Variants in PCGF2 observed in about 807,000 individuals in gnomAD.
PCGF2 encodes the protein polycomb group ring finger 2, also known as polycomb group RING finger protein 2.
Under a neutral mutation model 36.1 loss-of-function variants are expected in PCGF2, and 8 were observed. The ratio of observed to expected loss-of-function variants is 0.22; its 90% CI spans 0.13 to 0.40. The LOEUF is 0.40. Ranked by LOEUF, PCGF2 falls within the 10% of genes least tolerant of loss-of-function variation. The pLI is 1.00. For missense variants in PCGF2, 436 were observed against 475.9 expected (o/e 0.92, Z 0.78); for synonymous variants, 198 against 191.2 (o/e 1.04, Z -0.29).
intron 8 of PCGF2, 33 bp downstream of exon 8, chr17:38,738,508 A>G (rs753812058): frequency 6.2e-6 from 10 of 1,612,688 alleles, no homozygotes; most frequent in Non-Finnish European, 8.5e-6. Flanking sequence ...CTCCCAGCCC[A>G]CATTCCAGTC....
intron 2 of PCGF2, among the ~76,000 whole-genome samples, chr17:38,743,801 C>A (rs1049009227): frequency 6.6e-6 from 1 of 152,266 alleles, no homozygotes; most frequent in Non-Finnish European, 1.5e-5. Flanking sequence ...AGGCCCCAGG[C>A]CGCGAATTCC....
chr17:38,735,538 C>T lies in PCGF2; in HGVS notation c.720G>A (p.Thr240=), dbSNP rs1293207476. ...QPACKRLTLA[T]VPTPSEGTNT... ...TGGTGCCCTCGGAGGGGGTGGGCAC[C>T]GTGGCTAGGGTGAGCCGCTTGCAGG... Residue 240 remains threonine, a synonymous_variant, in exon 11 of 11, where the codon ACG becomes ACA. Coordinates refer to ENST00000620225, the MANE Select transcript of PCGF2 (RefSeq NM_007144.3). 34 of 1,588,058 alleles carry T rather than the reference C, an allele frequency of 2.1e-5. No homozygotes were observed. The highest frequency in any genetic ancestry group is 4.6e-5 in the South Asian group (4 of 87,306).
In PCGF2 at chr17:38,735,105, C is replaced by T. The variant is rs1906576699; in HGVS notation, c.*118G>A. On this transcript the variant is annotated 3_prime_UTR_variant, in exon 11 of 11. Transcript: ENST00000620225. ...TATATATATATTTATTTATAAAACCCGCCCCCCACCCCCAAGGTGGGAAGA... is the reference window on the plus strand; with the variant it reads ...TATATATATATTTATTTATAAAACCTGCCCCCCACCCCCAAGGTGGGAAGA... 4.1e-6 allele frequency: 3 copies of T among 731,342 alleles called. No homozygotes were observed. Among genetic ancestry groups the T allele is most frequent in the Middle Eastern group, 4.4e-4 (1 of 2,254 alleles). The allele number at this position is 731,342 out of a possible 1,614,324, so 45.3% of individuals were successfully genotyped here.
rs1907053640 is a variant in PCGF2 at position 38,739,804 on chromosome 17, C to G, written c.113-122G>C. On this transcript the variant is annotated intron_variant, in intron 3 of 10. Transcript: ENST00000620225. This position sits in a 1 kb window ranked among gnomAD's most constrained non-coding sequence, Gnocchi z 4.0. ...TCCACCCTGTCCCTGCTCCGAGGCCCAATGTGGCGATGTGTGTTCTGCACG... is the reference window on the plus strand; with the variant it reads ...TCCACCCTGTCCCTGCTCCGAGGCCGAATGTGGCGATGTGTGTTCTGCACG... The G allele has an allele frequency of 5.4e-6, 4 of 745,302 alleles. No homozygotes were observed. The highest frequency in any genetic ancestry group is 9.6e-6 in the Non-Finnish European group (4 of 415,296). 46.2% of individuals were successfully genotyped at this position (745,302 alleles called of 1,614,324 possible). A position where few individuals can be genotyped will look rare whatever the true frequency, so the allele number is the denominator to read the frequency against.
chr17:38,738,928 A>T, intron 6 of PCGF2, 67 bp from the exon 7 acceptor site: 4 of 1,542,216 alleles, frequency 2.6e-6, no homozygotes, highest in Non-Finnish European at 3.6e-6. Flanking sequence ...GGACCCAGAG[A>T]TCATGAACTC....
At chr17:38,740,490 T>C (rs1453172387) in intron 2 of PCGF2, 48 bp from the exon 3 acceptor site, 43 of 1,431,022 alleles carry the variant, frequency 3.0e-5, no homozygotes, top group Non-Finnish European at 3.9e-5. Context: ...CCGGGCGCGG[T>C]GGTTCACGCC....
At chr17:38,747,214 A>G (rs942280323) in intron 2 of PCGF2, among the ~76,000 whole-genome samples, 1 of 152,068 alleles carries the variant, frequency 6.6e-6, no homozygotes, top group African/African-American at 2.4e-5. Context: ...GGCGAGGGGC[A>G]GCCCGGGCCC....
intron 2 of PCGF2, among the ~76,000 whole-genome samples, chr17:38,744,800 C>T (rs896990232): frequency 1.3e-5 from 2 of 152,226 alleles, no homozygotes; most frequent in Admixed American, 6.5e-5. Context: ...TCTCTCTGCT[C>T]TCCCTGCCTC....
chr17:38,738,725 A>G, intron 7 of PCGF2, 28 bp downstream of exon 7: 1 of 1,596,248 alleles, frequency 6.3e-7, no homozygotes, highest in Non-Finnish European at 8.6e-7. Context: ...CTAGGAACCC[A>G]GAAGGGGCCA....
intron 9 of PCGF2, among the ~76,000 whole-genome samples, chr17:38,736,757 C>G (rs1051304642): frequency 4.6e-5 from 7 of 152,042 alleles, no homozygotes; most frequent in East Asian, 3.9e-4. Context: ...TGGCGTGAAC[C>G]CGGGAGGCGG....
chr17:38,746,023 G>T (rs1286065445), intron 2 of PCGF2, among the ~76,000 whole-genome samples: 2 of 152,034 alleles, frequency 1.3e-5, no homozygotes, highest in Non-Finnish European at 2.9e-5. Context: ...TGTGTTTGGG[G>T]CCGTGAGGGT....
intron 10 of PCGF2, 132 bp downstream of exon 10, chr17:38,735,958 C>G (rs1906682733): frequency 1.4e-6 from 1 of 704,952 alleles, no homozygotes; most frequent in Admixed American, 2.2e-5. Context: ...CTGTAGCAAG[C>G]CACCCTGGAC....
rs779263814 is a variant in PCGF2 at position 38,739,258 on chromosome 17, G to A, written c.210-5C>T. ...TCTTGAAGTGTTTTGTCAGACCTGG[G>A]GAAAAATGGACAGGGCTTATCAGCA... On this transcript the variant is annotated splice_polypyrimidine_tract_variant and splice_region_variant and intron_variant, in intron 4 of 10. Coordinates refer to ENST00000620225, the MANE Select transcript of PCGF2 (RefSeq NM_007144.3). The surrounding 1 kb of genome is among the most constrained non-coding windows in gnomAD (Gnocchi z 4.0). The A allele has an allele frequency of 6.2e-7, 1 of 1,613,606 alleles. No homozygotes were observed. Among genetic ancestry groups the A allele is most frequent in the Admixed American group, 1.7e-5 (1 of 60,008 alleles).
Position 38,739,373 on chromosome 17 carries a change from A to G in PCGF2, c.210-120T>C, listed in dbSNP as rs1055318957. ...CCCTTCCTGAGACCGGTGCCCAGGC[A>G]TTAGGATCCCTGTGGGTCTGGTCTT... On this transcript the variant is annotated intron_variant, in intron 4 of 10. Transcript: ENST00000620225. This position sits in a 1 kb window ranked among gnomAD's most constrained non-coding sequence, Gnocchi z 4.0. The G allele has an allele frequency of 6.1e-6, 6 of 991,318 alleles. No homozygotes were observed. The highest frequency in any genetic ancestry group is 3.9e-5 in the South Asian group (3 of 76,020). 61.4% of individuals were successfully genotyped at this position (991,318 alleles called of 1,614,324 possible). A position where few individuals can be genotyped will look rare whatever the true frequency, so the allele number is the denominator to read the frequency against.
At position 38,738,740 on chromosome 17, in the gene PCGF2, G is replaced by A. The variant is rs117490976; in HGVS notation, c.425+13C>T. On this transcript the variant is annotated intron_variant, in intron 7 of 10. Transcript: ENST00000620225. Reference sequence around the variant, plus strand: ...CTAGGAACCCAGAAGGGGCCAGCCTGGGCCAGACTTGCCTGGCACCTTCGT... The same window carrying A: ...CTAGGAACCCAGAAGGGGCCAGCCTAGGCCAGACTTGCCTGGCACCTTCGT... 1.3e-4 allele frequency: 201 copies of A among 1,606,126 alleles called. 2 individuals are homozygous for A. In the East Asian group the frequency reaches 4.4e-3, roughly 35 times the overall value.
Position 38,735,314 on chromosome 17 carries a change from C to T in PCGF2, c.944G>A (p.Gly315Glu), listed in dbSNP as rs1049689204. The stretch of plus-strand genomic sequence containing the variant: ...TGTCTGCAGGCAGTTCAAGCTACCC[C>T]CGTTGGCAGCTGTGGTGGCCCCACT... ...TASGATTAAN[G>E]GSLNCLQTPS... Residue 315 changes from glycine to glutamate, a missense_variant, in exon 11 of 11, where the codon GGG becomes GAG. This residue lies in a region of PCGF2 where 227 missense variants were observed against 212.9 expected (regional missense o/e 1.07). Transcript: ENST00000620225. 5 of 1,534,022 alleles carry T rather than the reference C, an allele frequency of 3.3e-6. No individual in the cohort carries two copies. The highest frequency in any genetic ancestry group is 1.9e-5 in the Admixed American group (1 of 52,370).
Position 38,740,426 on chromosome 17 carries a change from G to GGGGGGGC in PCGF2, c.-25_-24insGCCCCCC. 4 of 677,234 alleles carry GGGGGGGC rather than the reference G, an allele frequency of 5.9e-6. No individual in the cohort carries two copies. Among genetic ancestry groups the GGGGGGGC allele is most frequent in the Non-Finnish European group, 1.0e-5 (4 of 394,318 alleles). 42.0% of individuals were successfully genotyped at this position (677,234 alleles called of 1,614,324 possible). ...ATGATTCCGGGGTCGGGGGTGGGGG[G>GGGGGGGC]ACTGGGGAGCGTTGCCCTGGGAAAC... On this transcript the variant is annotated 5_prime_UTR_variant, in exon 3 of 11. Coordinates refer to ENST00000620225, the MANE Select transcript of PCGF2 (RefSeq NM_007144.3).
rs545462980 is a variant in PCGF2, at chr17:38,734,672, G to A, written c.*551C>T. The A allele has an allele frequency of 6.5e-6, 1 of 152,862 alleles. No individual in the cohort carries two copies. Among genetic ancestry groups the A allele is most frequent in the East Asian group, 1.9e-4 (1 of 5,188 alleles). The allele number at this position is 152,862 out of a possible 1,614,324, so 9.5% of individuals were successfully genotyped here. A position where few individuals can be genotyped will look rare whatever the true frequency, so the allele number is the denominator to read the frequency against. The stretch of plus-strand genomic sequence containing the variant: ...GCATTTGTAAAAGGCACTGTTCTTA[G>A]CAATTTCTGGACATTCAACAACGTG... On this transcript the variant is annotated 3_prime_UTR_variant, in exon 11 of 11. Coordinates refer to ENST00000620225, the MANE Select transcript of PCGF2 (RefSeq NM_007144.3).
intron 2 of PCGF2, among the ~76,000 whole-genome samples, chr17:38,741,578 C>T (rs181252830): frequency 1.2e-3 from 177 of 152,306 alleles, no homozygotes; most frequent in African/African-American, 4.1e-3. Flanking sequence ...TAGAAGGCCG[C>T]AGCCATCACT....
Sources: allele counts gnomAD v4.1 joint callset (sites outside exome capture counted in the v4.1 genomes callset), GRCh38; gene constraint gnomAD v4.1.1; regional missense constraint gnomAD v4.1.1; non-coding constraint Gnocchi (gnomAD v3.1); transcripts MANE v1.5; gene names NCBI Gene and HGNC (gene_info 2026-07-23, HGNC 2026-07-21).